The following AGAP1 variants were observed in gnomAD, a reference collection of about 807,000 sequenced individuals.
AGAP1 encodes ArfGAP with GTPase domain, ankyrin repeat and PH domain 1, also known as arf-GAP with GTPase, ANK repeat and PH domain-containing protein 1.
In AGAP1, 29 loss-of-function variants were observed where a neutral mutation model predicts 105.3. The ratio of observed to expected loss-of-function variants is 0.28; its 90% CI spans 0.21 to 0.38. The LOEUF is 0.38. Among genes scored for constraint, AGAP1 ranks in the 10% least tolerant of loss-of-function variants. AGAP1 has a pLI of 1.00. For synonymous variants in AGAP1, 509 were observed against 485.9 expected, an observed-to-expected ratio of 1.05 and a Z score of -0.63; for missense variants, 998 against 1,165.1, an observed-to-expected ratio of 0.86 and a Z score of 2.09.
At chr2:235,735,640 A>G (rs562197113) in intron 3 of AGAP1, among the ~76,000 whole-genome samples, 11 of 152,072 alleles carry the variant, frequency 7.2e-5, no homozygotes, top group Non-Finnish European at 1.2e-4. Flanking sequence ...TTCACGGTGA[A>G]CGCACCCACT....
chr2:235,691,299 G>T lies in AGAP1; in HGVS notation c.164-17880G>T, dbSNP rs114420202. 6.6e-6 allele frequency among the ~76,000 whole-genome samples: 1 copy of T among 152,210 alleles called. No individual in the cohort carries two copies. The highest frequency in any genetic ancestry group is 2.4e-5 in the African/African-American group (1 of 41,428). ...ATATCCAGGGAAAGGTCACTCTCTG[G>T]CAGTGGATGCTACCCTGTTGGTGGC... On this transcript the variant is annotated intron_variant, in intron 1 of 17. Coordinates refer to ENST00000304032, the MANE Select transcript of AGAP1 (RefSeq NM_001037131.3). The surrounding 1 kb of genome is among the most constrained non-coding windows in gnomAD (Gnocchi z 4.4).
chr2:235,560,794 G>A (rs867187253), intron 1 of AGAP1, among the ~76,000 whole-genome samples: 2 of 152,252 alleles, frequency 1.3e-5, no homozygotes, highest in Non-Finnish European at 1.5e-5. Flanking sequence ...GTGAAATCAC[G>A]TCGTTCTAAA....
intron 1 of AGAP1, among the ~76,000 whole-genome samples, chr2:235,694,237 T>C (rs1305481331): frequency 1.3e-5 from 2 of 149,398 alleles, no homozygotes; most frequent in East Asian, 1.9e-4. Flanking sequence ...CCCAGCACTT[T>C]AGGAGGCCGA....
At chr2:235,534,038 A>G (rs1943129288) in intron 1 of AGAP1, among the ~76,000 whole-genome samples, 1 of 152,214 alleles carries the variant, frequency 6.6e-6, no homozygotes, top group African/African-American at 2.4e-5. Flanking sequence ...GTAGCACTTG[A>G]TTGGAGCCTC....
At chr2:235,756,813 A>G (rs898136180) in intron 6 of AGAP1, among the ~76,000 whole-genome samples, 5 of 152,102 alleles carry the variant, frequency 3.3e-5, no homozygotes, top group Non-Finnish European at 5.9e-5. Context: ...AGGAGACTCT[A>G]ATGCCTGACG....
At chr2:235,562,664 G>A (rs1944196984) in intron 1 of AGAP1, among the ~76,000 whole-genome samples, 1 of 152,122 alleles carries the variant, frequency 6.6e-6, no homozygotes, top group African/African-American at 2.4e-5. Context: ...TAAGAGCAGG[G>A]CCCCTGGAGC....
intron 1 of AGAP1, chr2:235,670,529 G>C (rs1216848836): frequency 2.1e-6 from 1 of 484,174 alleles, no homozygotes; most frequent in Non-Finnish European, 3.6e-6. Context: ...CGTGGAGGGG[G>C]CCCGGGCCGC....
chr2:235,761,220 G>A (rs1203580014), intron 6 of AGAP1, among the ~76,000 whole-genome samples: 2 of 152,130 alleles, frequency 1.3e-5, no homozygotes, highest in Non-Finnish European at 2.9e-5. Context: ...TGTTAATAGA[G>A]CCTGTGATCT....
intron 14 of AGAP1, among the ~76,000 whole-genome samples, chr2:236,037,605 A>G (rs999294353): frequency 2.0e-5 from 3 of 152,116 alleles, no homozygotes; most frequent in Non-Finnish European, 2.9e-5. Context: ...GTGGGGTTTC[A>G]TCACGTTGCC....
At chr2:235,816,390 A>ATT (rs1958454902) in intron 9 of AGAP1, among the ~76,000 whole-genome samples, 1 of 150,274 alleles carries the variant, frequency 6.7e-6, no homozygotes, top group African/African-American at 2.5e-5. Flanking sequence ...GCGAGCCAAG[A>ATT]TCGCACCACT....
In AGAP1 at chr2:235,555,449, T is replaced by A. The variant is rs1055853236; in HGVS notation, c.163+60600T>A. On this transcript the variant is annotated intron_variant, in intron 1 of 17. Coordinates refer to ENST00000304032, the MANE Select transcript of AGAP1 (RefSeq NM_001037131.3). The surrounding 1 kb of genome is among the most constrained non-coding windows in gnomAD (Gnocchi z 5.1). ...ATGGGTGGAGCTCAGGGAATAGGCA[T>A]GTGGGGCACACTCTCCAGGCACATC... Among the ~76,000 whole-genome samples the A allele has an allele frequency of 2.0e-5, 3 of 152,104 alleles. No homozygotes were observed. Among genetic ancestry groups the A allele is most frequent in the Non-Finnish European group, 4.4e-5 (3 of 68,018 alleles).
intron 12 of AGAP1, among the ~76,000 whole-genome samples, chr2:235,939,044 T>C (rs1252568004): frequency 3.9e-5 from 6 of 152,108 alleles, no homozygotes; most frequent in Non-Finnish European, 7.4e-5. Context: ...ATGATGTGTG[T>C]GAATGGTGGT....
chr2:235,945,230 A>G (rs1025186981), intron 12 of AGAP1, among the ~76,000 whole-genome samples: 3 of 152,054 alleles, frequency 2.0e-5, no homozygotes, highest in Non-Finnish European at 2.9e-5. Flanking sequence ...CCTCCTGAGT[A>G]TCTGGGGCTA....
In AGAP1 at chr2:235,905,829, C is replaced by T. The variant is rs1321625587; in HGVS notation, c.1156-2909C>T. Among the ~76,000 whole-genome samples the T allele has an allele frequency of 2.6e-5, 4 of 152,234 alleles. No individual in the cohort carries two copies. In the East Asian group the frequency reaches 7.7e-4, roughly 29 times the overall value. ...TGCTTTTCATTTGTCACCCTCAACA[C>T]AGCGCAGTCCTGAGAATTCCTGTGC... On this transcript the variant is annotated intron_variant, in intron 10 of 17. Transcript: ENST00000304032. The surrounding 1 kb of genome is among the most constrained non-coding windows in gnomAD (Gnocchi z 4.2).
intron 3 of AGAP1, 50 bp downstream of exon 3, chr2:235,717,694 A>G (rs770251009): frequency 6.7e-7 from 1 of 1,492,338 alleles, no homozygotes. Flanking sequence ...GTTTTTTAAA[A>G]TTTTTCCTTA....
intron 1 of AGAP1, among the ~76,000 whole-genome samples, chr2:235,657,152 C>T (rs1261437601): frequency 6.6e-6 from 1 of 152,176 alleles, no homozygotes; most frequent in East Asian, 1.9e-4. Flanking sequence ...TGGACTTCCT[C>T]CTCAGAGACG....
intron 1 of AGAP1, among the ~76,000 whole-genome samples, chr2:235,668,462 G>A (rs1479742806): frequency 1.6e-4 from 25 of 152,174 alleles, no homozygotes; most frequent in Admixed American, 1.5e-3. Flanking sequence ...TGGCCTGGCC[G>A]CCAGCACCTT....
intron 1 of AGAP1, among the ~76,000 whole-genome samples, chr2:235,503,397 G>T (rs1428856654): frequency 6.6e-6 from 1 of 152,134 alleles, no homozygotes; most frequent in African/African-American, 2.4e-5. Flanking sequence ...TGACGAGACT[G>T]CTCCTGCTGG....
intron 9 of AGAP1, among the ~76,000 whole-genome samples, chr2:235,834,983 G>A (rs190665410): frequency 6.6e-5 from 10 of 152,300 alleles, no homozygotes; most frequent in Non-Finnish European, 1.3e-4. Flanking sequence ...TAGTTGGAGT[G>A]GACAGGAATG....
Sources: gnomAD v4.1 joint callset for allele counts (sites outside exome capture counted in the v4.1 genomes callset) on GRCh38, gnomAD v4.1.1 for gene constraint, Gnocchi (gnomAD v3.1) non-coding constraint, MANE v1.5 for transcripts, NCBI Gene and HGNC (gene_info 2026-07-23, HGNC 2026-07-21) for gene names.